TMEM272: variants seen among roughly 807,000 people sequenced by gnomAD.
TMEM272 encodes transmembrane protein 272.
In TMEM272, 8 loss-of-function variants were observed where a neutral mutation model predicts 3.7. The observed-to-expected ratio is 2.17, with a 90% CI of 1.27 to 3.91. The LOEUF is 3.91. Ranked by LOEUF, TMEM272 falls within the 30% of genes most tolerant of loss-of-function variation. The pLI, the probability that TMEM272 is intolerant of heterozygous loss-of-function variation, is 0.00. For missense variants in TMEM272, 166 were observed against 91.5 expected (o/e 1.81, Z -3.32); for synonymous variants, 63 against 39.8 (o/e 1.58, Z -2.20).
At chr13:51,916,383 T>C in the TMEM272 span, among the ~76,000 whole-genome samples, 3 of 152,326 alleles carry the variant, frequency 2.0e-5, no homozygotes, top group South Asian at 6.2e-4. Flanking sequence ...ATTTTACATA[T>C]GGGCTGTGTG....
the TMEM272 span, among the ~76,000 whole-genome samples, chr13:51,931,620 T>C: frequency 6.6e-6 from 1 of 152,104 alleles, no homozygotes; most frequent in South Asian, 2.1e-4. Flanking sequence ...CACATGTACC[T>C]AGAACTTAAA....
chr13:51,905,469 G>A, the TMEM272 span, among the ~76,000 whole-genome samples: 13 of 152,314 alleles, frequency 8.5e-5, no homozygotes, highest in African/African-American at 2.9e-4. Context: ...AAGGGAAGCC[G>A]GAGTTCCTCT....
the TMEM272 span, chr13:51,865,251 C>A: frequency 1.5e-6 from 1 of 674,890 alleles, no homozygotes; most frequent in Non-Finnish European, 2.4e-6. Flanking sequence ...ATTACATTTT[C>A]TCAAATTCAG....
chr13:51,892,868 T>C, the TMEM272 span, among the ~76,000 whole-genome samples: 1 of 152,158 alleles, frequency 6.6e-6, no homozygotes, highest in African/African-American at 2.4e-5. Context: ...CTGGGTTGCC[T>C]CACCCTCCCC....
At chr13:51,851,835 T>A in the TMEM272 span, among the ~76,000 whole-genome samples, 1 of 152,232 alleles carries the variant, frequency 6.6e-6, no homozygotes, top group Non-Finnish European at 1.5e-5. Context: ...TTATATATTT[T>A]TTTACAGCTG....
the TMEM272 span, among the ~76,000 whole-genome samples, chr13:51,913,517 C>T: frequency 6.6e-6 from 1 of 152,192 alleles, no homozygotes; most frequent in African/African-American, 2.4e-5. Context: ...CCCCTCAGTC[C>T]TCTTTTTCTG....
chr13:51,858,786 C>T, the TMEM272 span, among the ~76,000 whole-genome samples: 1 of 152,138 alleles, frequency 6.6e-6, no homozygotes, highest in Non-Finnish European at 1.5e-5. Flanking sequence ...TTAACAGGCC[C>T]CCATCTCACA....
At chr13:51,867,267 G>C in the TMEM272 span, among the ~76,000 whole-genome samples, 1 of 152,188 alleles carries the variant, frequency 6.6e-6, no homozygotes, top group Non-Finnish European at 1.5e-5. Context: ...TTGTACAGAT[G>C]AGGAAACAGA....
the TMEM272 span, among the ~76,000 whole-genome samples, chr13:51,914,643 G>A: frequency 6.6e-6 from 1 of 152,242 alleles, no homozygotes; most frequent in Non-Finnish European, 1.5e-5. Context: ...TCCCTGAGTG[G>A]CAATGGTTAA....
the TMEM272 span, among the ~76,000 whole-genome samples, chr13:51,928,046 C>A: frequency 6.6e-6 from 1 of 152,122 alleles, no homozygotes; most frequent in East Asian, 1.9e-4. Flanking sequence ...TCCACTGGAC[C>A]CAGGGCACAC....
the TMEM272 span, among the ~76,000 whole-genome samples, chr13:51,857,243 A>G: frequency 2.0e-5 from 3 of 150,618 alleles, no homozygotes; most frequent in Non-Finnish European, 4.5e-5. Flanking sequence ...GTTAGCTGGC[A>G]TTAAAAAAAA....
chr13:51,859,739 A>C, the TMEM272 span, among the ~76,000 whole-genome samples: 1 of 152,176 alleles, frequency 6.6e-6, no homozygotes, highest in African/African-American at 2.4e-5. Context: ...GCCACCAACA[A>C]AACTTGGGAG....
the TMEM272 span, among the ~76,000 whole-genome samples, chr13:51,928,653 T>C: frequency 6.6e-6 from 1 of 152,162 alleles, no homozygotes. Flanking sequence ...GCAGTTCTTA[T>C]CAAACAGATG....
In TMEM272 at chr13:51,816,948, T is replaced by C. The variant is rs899318242; in HGVS notation, c.367A>G (p.Asn123Asp). 5.7e-6 allele frequency: 4 copies of C among 702,920 alleles called. No individual in the cohort carries two copies. The African/African-American group carries it at 7.0e-5, about 12-fold the overall frequency. The allele number at this position is 702,920 out of a possible 1,614,324, so 43.5% of individuals were successfully genotyped here. A position where few individuals can be genotyped will look rare whatever the true frequency, so the allele number is the denominator to read the frequency against. The change falls in exon 5 of 5, where the codon AAC becomes GAC. Residue 123 changes from asparagine to aspartate, a missense_variant. By Grantham distance (23) the Asn-to-Asp change is conservative. Transcript: ENST00000629372. The part of the protein sequence containing the change: ...LFLFLWFILG[N>D]YWVFSVYLPD... The stretch of plus-strand genomic sequence containing the variant: ...AGGTACACAGAAAAGACCCAGTAGT[T>C]TCCCAGGATGAACCAGAGGAAGAGG...
the TMEM272 span, among the ~76,000 whole-genome samples, chr13:51,919,789 T>C: frequency 6.6e-6 from 1 of 152,264 alleles, no homozygotes; most frequent in Non-Finnish European, 1.5e-5. Context: ...CATGTCGCTC[T>C]CCTCACCTGC....
chr13:51,848,448 A>G (rs534142132), upstream of TMEM272, among the ~76,000 whole-genome samples: 1 of 152,344 alleles, frequency 6.6e-6, no homozygotes, highest in South Asian at 2.1e-4. Context: ...AGTTGAATTC[A>G]GAGTATAAAT....
chr13:51,913,589 G>C, the TMEM272 span, among the ~76,000 whole-genome samples: 2 of 152,196 alleles, frequency 1.3e-5, no homozygotes, highest in African/African-American at 4.8e-5. Flanking sequence ...GGCTGCAACT[G>C]ATGTCGGACG....
chr13:51,849,043 T>A (rs1478129854), upstream of TMEM272, among the ~76,000 whole-genome samples: 1 of 152,082 alleles, frequency 6.6e-6, no homozygotes, highest in Non-Finnish European at 1.5e-5. Flanking sequence ...TCTACCTGAG[T>A]CAAAAAGCAT....
At chr13:51,865,243 T>G in the TMEM272 span, 1 of 643,760 alleles carries the variant, frequency 1.6e-6, no homozygotes, top group Non-Finnish European at 2.6e-6. Flanking sequence ...GAGCAGTGAT[T>G]ACATTTTCTC....
Sources: allele counts gnomAD v4.1 joint callset (sites outside exome capture counted in the v4.1 genomes callset), GRCh38; gene constraint gnomAD v4.1.1; transcripts MANE v1.5; gene names NCBI Gene and HGNC (gene_info 2026-07-23, HGNC 2026-07-21).